DCC: variants seen among roughly 807,000 people sequenced by gnomAD.
DCC encodes DCC netrin 1 receptor.
In DCC, 58 loss-of-function variants were observed where a neutral mutation model predicts 172.5. That is an observed-to-expected ratio of 0.34 (90% CI 0.27 to 0.42). The LOEUF is 0.42. DCC is among the 10% of genes least tolerant of loss of function. DCC has a pLI of 1.00. For missense variants in DCC, 1,740 were observed against 1,791.0 expected (o/e 0.97, Z 0.51); for synonymous variants, 709 against 644.5 (o/e 1.10, Z -1.52).
chr18:53,432,605 A>G (rs2145112374), intron 21 of DCC, among the ~76,000 whole-genome samples: 1 of 152,292 alleles, frequency 6.6e-6, no homozygotes, highest in South Asian at 2.1e-4. Context: ...TTCTACAGCA[A>G]CAAGCTCTTA....
intron 2 of DCC, among the ~76,000 whole-genome samples, chr18:52,787,840 C>CT (rs538806346): frequency 7.3e-4 from 111 of 152,150 alleles, no homozygotes; most frequent in African/African-American, 2.6e-3. Flanking sequence ...TTTTATTAGC[C>CT]TTTACTATTG....
intron 13 of DCC, among the ~76,000 whole-genome samples, chr18:53,319,504 G>T (rs192524055): frequency 1.3e-5 from 2 of 152,272 alleles, no homozygotes; most frequent in African/African-American, 4.8e-5. Context: ...AAGCCACAAA[G>T]ATCTAAATTG....
chr18:53,141,131 C>T (rs900806891), intron 7 of DCC, among the ~76,000 whole-genome samples: 34 of 152,254 alleles, frequency 2.2e-4, no homozygotes, highest in African/African-American at 7.2e-4. Flanking sequence ...CTACCATACT[C>T]ATTGATTATT....
intron 2 of DCC, among the ~76,000 whole-genome samples, chr18:52,846,786 T>C (rs569659523): frequency 9.2e-5 from 14 of 152,044 alleles, no homozygotes; most frequent in Non-Finnish European, 1.9e-4. Flanking sequence ...GAAAAAGTAG[T>C]GGTGGAGAAA....
chr18:53,251,912 C>T (rs1048267109), intron 12 of DCC, among the ~76,000 whole-genome samples: 5 of 151,908 alleles, frequency 3.3e-5, no homozygotes, highest in African/African-American at 1.2e-4. Context: ...AAAACACTGA[C>T]TATTTCCAGG....
chr18:52,526,937 C>T (rs1598888476), intron 1 of DCC, among the ~76,000 whole-genome samples: 2 of 152,152 alleles, frequency 1.3e-5, no homozygotes, highest in East Asian at 3.9e-4. Flanking sequence ...CCCCAGAAAT[C>T]TTCAGAATAC....
chr18:52,743,280 A>G (rs1236398253), intron 1 of DCC, among the ~76,000 whole-genome samples: 1 of 152,220 alleles, frequency 6.6e-6, no homozygotes, highest in African/African-American at 2.4e-5. Flanking sequence ...CTACTTAGAG[A>G]AAGACTGATG....
Position 53,410,513 on chromosome 18 carries a change from A to T in DCC, c.2997A>T (p.Thr999=). 1 of 1,609,704 alleles carries T rather than the reference A, an allele frequency of 6.2e-7. No homozygotes were observed. Among genetic ancestry groups the T allele is most frequent in the Non-Finnish European group, 8.5e-7 (1 of 1,175,994 alleles). Residue 999 remains threonine, a synonymous_variant, in exon 20 of 29, where the codon ACA becomes ACT. Transcript: ENST00000442544. The part of the protein sequence containing the change: ...NIPIDDWIME[T]ISGDRLTHQI... ...CAATTGATGACTGGATTATGGAAACAATCAGTGGTGATAGGCTTACTCATC... is the reference window on the plus strand; with the variant it reads ...CAATTGATGACTGGATTATGGAAACTATCAGTGGTGATAGGCTTACTCATC...
chr18:53,035,156 TTA>T (rs1405747381), intron 5 of DCC, among the ~76,000 whole-genome samples: 3 of 111,270 alleles, frequency 2.7e-5, no homozygotes, highest in African/African-American at 4.0e-5. Context: ...CCTCAAACAT[TTA>T]TCTGTGTGTG....
At chr18:52,499,867 T>C (rs2030951457) in intron 1 of DCC, among the ~76,000 whole-genome samples, 1 of 152,122 alleles carries the variant, frequency 6.6e-6, no homozygotes, top group African/African-American at 2.4e-5. Flanking sequence ...TCCTCATAAA[T>C]CATTCTCAAG....
At chr18:53,417,740 A>G (rs1338321586) in intron 21 of DCC, among the ~76,000 whole-genome samples, 1 of 152,172 alleles carries the variant, frequency 6.6e-6, no homozygotes, top group Non-Finnish European at 1.5e-5. Flanking sequence ...GTTGACAACA[A>G]ACATGTCCAG....
chr18:52,530,979 T>G (rs2032132208), intron 1 of DCC, among the ~76,000 whole-genome samples: 1 of 152,192 alleles, frequency 6.6e-6, no homozygotes, highest in Non-Finnish European at 1.5e-5. Flanking sequence ...AACACTGAAA[T>G]TTCAGCAAGA....
intron 1 of DCC, among the ~76,000 whole-genome samples, chr18:52,375,829 T>C (rs1462964029): frequency 6.6e-6 from 1 of 152,226 alleles, no homozygotes; most frequent in Non-Finnish European, 1.5e-5. Context: ...CTGGGAATAC[T>C]GGGAGTACCA....
intron 1 of DCC, among the ~76,000 whole-genome samples, chr18:52,358,456 G>A (rs982310193): frequency 6.6e-6 from 1 of 152,128 alleles, no homozygotes; most frequent in African/African-American, 2.4e-5. Context: ...TGTAAAGCAG[G>A]AAAACAACAC....
At chr18:53,530,308 C>G (rs962858129) in intron 28 of DCC, 2 of 702,544 alleles carry the variant, frequency 2.8e-6, no homozygotes, top group South Asian at 3.0e-5. Context: ...TGATTTGAAA[C>G]CCAATCTTTT....
At chr18:53,184,092 A>G (rs1405299158) in intron 9 of DCC, among the ~76,000 whole-genome samples, 4 of 151,942 alleles carry the variant, frequency 2.6e-5, no homozygotes, top group Admixed American at 1.3e-4. Context: ...AAAGTGGGAT[A>G]CTCATCAGGG....
intron 1 of DCC, among the ~76,000 whole-genome samples, chr18:52,503,702 C>T (rs893542141): frequency 2.0e-5 from 3 of 152,038 alleles, no homozygotes; most frequent in Non-Finnish European, 4.4e-5. Flanking sequence ...CTTAACTAGC[C>T]AGTCCATTCC....
intron 21 of DCC, among the ~76,000 whole-genome samples, chr18:53,425,603 C>T (rs1386598476): frequency 6.6e-6 from 1 of 152,016 alleles, no homozygotes; most frequent in Non-Finnish European, 1.5e-5. Context: ...CTCAGGTGAC[C>T]TGCCCGCCTC....
chr18:53,039,950 A>G (rs567770680), intron 5 of DCC, among the ~76,000 whole-genome samples: 8 of 152,078 alleles, frequency 5.3e-5, no homozygotes, highest in South Asian at 2.1e-4. Flanking sequence ...GCCCAACACA[A>G]TGCCTAACAT....
Sources: allele counts gnomAD v4.1 joint callset (sites outside exome capture counted in the v4.1 genomes callset), GRCh38; gene constraint gnomAD v4.1.1; transcripts MANE v1.5; gene names NCBI Gene and HGNC (gene_info 2026-07-23, HGNC 2026-07-21).